VWA5B1: variants seen among roughly 807,000 people sequenced by gnomAD.
The protein encoded by VWA5B1 is von Willebrand factor A domain containing 5B1.
In VWA5B1, 115 loss-of-function variants were observed where a neutral mutation model predicts 118.2. That is an observed-to-expected ratio of 0.97 (90% CI 0.84 to 1.14). VWA5B1 has a LOEUF of 1.14. VWA5B1 is among the 50% of genes most tolerant of loss of function. The pLI is 0.00. For missense variants in VWA5B1, 1,596 were observed against 1,603.8 expected (o/e 1.00, Z 0.08); for synonymous variants, 682 against 658.4 (o/e 1.04, Z -0.55).
chr1:20,330,751 C>A, intron 10 of VWA5B1, 118 bp from the exon 11 acceptor site: 1 of 1,040,736 alleles, frequency 9.6e-7, no homozygotes, highest in Non-Finnish European at 1.5e-6. Context: ...TCTCCCTCTA[C>A]CTGAATATAG....
rs553134624 is a variant in VWA5B1, at chr1:20,354,396, C to A, written c.*133C>A. On this transcript the variant is annotated 3_prime_UTR_variant, in exon 22 of 22. Coordinates refer to ENST00000289815, the MANE Select transcript of VWA5B1 (RefSeq NM_001039500.3). ...GTTACTAGAAAGAGCCCTGGACTGG[C>A]AGCCAGGAGGCCTGAGTTCAATCCC... 2,058 of 1,189,306 alleles carry A rather than the reference C, an allele frequency of 1.7e-3. 5 individuals are homozygous for A. Among genetic ancestry groups the A allele is most frequent in the South Asian group, 4.3e-3 (268 of 62,066 alleles). The allele number at this position is 1,189,306 out of a possible 1,614,324, so 73.7% of individuals were successfully genotyped here. A position where few individuals can be genotyped will look rare whatever the true frequency, so the allele number is the denominator to read the frequency against.
rs1050189105 is a variant in VWA5B1, at chr1:20,314,580, A to G, written c.551A>G (p.Gln184Arg). 1 of 1,551,338 alleles carries G rather than the reference A, an allele frequency of 6.4e-7. No individual in the cohort carries two copies. The highest frequency in any genetic ancestry group is 1.2e-5 in the South Asian group (1 of 84,054). ...ACCAAGAGCACTGGCACCTCCAACC[A>G]ACAGGCCCAGGGGTAAGGAAGCCCT... ...FCTKSTGTSN[Q>R]QAQGKDRHCF... Residue 184 changes from glutamine (Q) to arginine (R), a missense_variant, in exon 4 of 22, where the codon CAA becomes CGA. Physicochemically the swap from Gln to Arg is conservative, Grantham distance 43 (BLOSUM62 1). Transcript: ENST00000289815.
chr1:20,340,918 C>G (rs2089859127), intron 14 of VWA5B1, among the ~76,000 whole-genome samples: 1 of 152,110 alleles, frequency 6.6e-6, no homozygotes, highest in African/African-American at 2.4e-5. Context: ...TTTCAAATGT[C>G]TTTTTAATTC....
chr1:20,350,734 C>A (rs2090111586), intron 19 of VWA5B1, 123 bp from the exon 20 acceptor site: 13 of 884,710 alleles, frequency 1.5e-5, no homozygotes, highest in Non-Finnish European at 2.4e-5. Context: ...ATGGTTAGCT[C>A]GAGTCCCTAG....
chr1:20,310,650 G>A lies in VWA5B1; in HGVS notation c.49G>A (p.Ala17Thr), dbSNP rs755686394. ...CACGGGGGCAGCCCTGCCCCTCACC[G>A]CGTCTGATGTTACCTCCTGTGTCAG... is the stretch of plus-strand genomic sequence containing the variant. ...WITGAALPLT[A>T]SDVTSCVSGY... is the part of the protein sequence containing the mutation. Residue 17 changes from alanine to threonine, a missense_variant, in exon 2 of 22, where the codon GCG (alanine) becomes ACG (threonine). Transcript: ENST00000289815. 7.0e-5 allele frequency: 109 copies of A among 1,550,534 alleles called. No homozygotes were observed. The Middle Eastern group carries it at 1.0e-3, about 14-fold the overall frequency.
rs1411199555 is a variant in VWA5B1, at chr1:20,354,964, G to T, written c.*701G>T. The T allele has an allele frequency of 6.6e-6, 1 of 152,222 alleles. No homozygotes were observed. Among genetic ancestry groups the T allele is most frequent in the African/African-American group, 2.4e-5 (1 of 41,446 alleles). 9.4% of individuals were successfully genotyped at this position (152,222 alleles called of 1,614,324 possible). A position where few individuals can be genotyped will look rare whatever the true frequency, so the allele number is the denominator to read the frequency against. On this transcript the variant is annotated 3_prime_UTR_variant, in exon 22 of 22. Coordinates refer to ENST00000289815, the MANE Select transcript of VWA5B1 (RefSeq NM_001039500.3). ...TCATTAGTGGCTCCCTCACTAAGAA[G>T]AGGTGGTGGCAGGACCAGGGGAGAC...
At chr1:20,325,870 GACCC>G (rs2089364488) in intron 8 of VWA5B1, among the ~76,000 whole-genome samples, 1 of 152,168 alleles carries the variant, frequency 6.6e-6, no homozygotes, top group South Asian at 2.1e-4. Context: ...CCTTAATTGT[GACCC>G]ACTGGGTTGA....
In VWA5B1 at chr1:20,323,418, C is replaced by T. The variant is rs1013083739; in HGVS notation, c.1029C>T (p.Asn343=). 7 of 1,534,696 alleles carry T rather than the reference C, an allele frequency of 4.6e-6. No individual in the cohort carries two copies. The African/African-American group carries it at 8.3e-5, about 18-fold the overall frequency. The part of the protein sequence containing the change: ...DIPHHSVIML[N]FCPDLQSVQP... Reference sequence around the variant, plus strand: ...CCCACCACTCCGTCATCATGCTCAACTTCTGTCCCGACCTCCAGTCAGTCC... The same window carrying T: ...CCCACCACTCCGTCATCATGCTCAATTTCTGTCCCGACCTCCAGTCAGTCC... The change falls in exon 8 of 22, where the codon AAC becomes AAT. Residue 343 remains asparagine (N), a synonymous_variant. Coordinates refer to ENST00000289815, the MANE Select transcript of VWA5B1 (RefSeq NM_001039500.3).
chr1:20,323,535 A>G lies in VWA5B1; in HGVS notation c.1143+3A>G, dbSNP rs2089287521. 2.1e-6 allele frequency: 3 copies of G among 1,420,232 alleles called. No homozygotes were observed. The African/African-American group carries it at 4.4e-5, about 21-fold the overall frequency. The allele number at this position is 1,420,232 out of a possible 1,614,324, so 88.0% of individuals were successfully genotyped here. On this transcript the variant is annotated splice_donor_region_variant and intron_variant, in intron 8 of 21. Coordinates refer to ENST00000289815, the MANE Select transcript of VWA5B1 (RefSeq NM_001039500.3). ...GGATCAGCATGCACCGAGTCAAGGT[A>G]CCTGCTGAGAGAACCCCTCCCGAGG...
intron 1 of VWA5B1, among the ~76,000 whole-genome samples, chr1:20,291,341 CTT>C (rs371320361): frequency 1.0e-4 from 12 of 119,194 alleles, no homozygotes; most frequent in African/African-American, 4.8e-4. Flanking sequence ...CTCTCTCTCT[CTT>C]TCTTTCTTTC....
intron 14 of VWA5B1, chr1:20,338,325 C>G (rs1224696754): frequency 3.0e-6 from 1 of 331,224 alleles, no homozygotes; most frequent in Non-Finnish European, 5.9e-6. Context: ...TACATTTACC[C>G]AGGGCAGAGA....
intron 14 of VWA5B1, chr1:20,338,281 A>T (rs2089779792): frequency 2.9e-6 from 1 of 350,270 alleles, no homozygotes; most frequent in Non-Finnish European, 5.6e-6. Context: ...ATTCCCCCTC[A>T]TTAGATTGCA....
At chr1:20,335,179 G>A (rs372306528) in intron 12 of VWA5B1, among the ~76,000 whole-genome samples, 10 of 152,176 alleles carry the variant, frequency 6.6e-5, no homozygotes, top group African/African-American at 2.2e-4. Context: ...GCCAGACGTG[G>A]TGGCATATGC....
intron 12 of VWA5B1, 94 bp from the exon 13 acceptor site, chr1:20,336,209 C>A: frequency 8.8e-7 from 1 of 1,139,744 alleles, no homozygotes; most frequent in Non-Finnish European, 1.1e-6. Flanking sequence ...GAGATGAAAA[C>A]CGCACCACCT....
intron 1 of VWA5B1, among the ~76,000 whole-genome samples, chr1:20,305,505 GC>G (rs961237226): frequency 1.3e-5 from 2 of 152,038 alleles, no homozygotes; most frequent in African/African-American, 2.4e-5. Flanking sequence ...AAATGCATCA[GC>G]CCCCCAAGGA....
intron 8 of VWA5B1, among the ~76,000 whole-genome samples, 172 bp downstream of exon 8, chr1:20,323,704 T>C (rs1238677471): frequency 6.6e-6 from 1 of 152,198 alleles, no homozygotes. Flanking sequence ...TGAAGTGGTG[T>C]GAGCAGAAGC....
chr1:20,325,102 G>A (rs1187024085), intron 8 of VWA5B1, among the ~76,000 whole-genome samples: 9 of 152,210 alleles, frequency 5.9e-5, no homozygotes, highest in Admixed American at 5.2e-4. Flanking sequence ...AAACTGAGTC[G>A]CCAAGAGGCT....
chr1:20,319,619 A>T, intron 7 of VWA5B1, 113 bp downstream of exon 7: 1 of 1,435,116 alleles, frequency 7.0e-7, no homozygotes, highest in Non-Finnish European at 9.4e-7. Flanking sequence ...TCATCCAGCA[A>T]GCTGGAGGCA....
intron 1 of VWA5B1, among the ~76,000 whole-genome samples, chr1:20,292,059 G>C (rs1247619250): frequency 6.6e-6 from 1 of 151,934 alleles, no homozygotes; most frequent in Non-Finnish European, 1.5e-5. Context: ...TCCTTCTTTT[G>C]CTTTTTCTTT....
Sources: allele counts gnomAD v4.1 joint callset (sites outside exome capture counted in the v4.1 genomes callset), GRCh38; gene constraint gnomAD v4.1.1; transcripts MANE v1.5; gene names NCBI Gene and HGNC (gene_info 2026-07-23, HGNC 2026-07-21).